Variants in GLIS3 observed in about 807,000 individuals in gnomAD.
The protein encoded by GLIS3 is zinc finger protein GLIS3.
A neutral mutation model predicts 78.6 loss-of-function variants in GLIS3; 53 were observed. The ratio of observed to expected loss-of-function variants is 0.67; its 90% CI spans 0.54 to 0.85. GLIS3 has a LOEUF of 0.85. Ranked by LOEUF, GLIS3 falls within the 40% of genes least tolerant of loss-of-function variation. GLIS3 has a pLI of 0.00. For missense variants in GLIS3, 1,703 were observed against 1,231.1 expected (o/e 1.38, Z -5.74); for synonymous variants, 684 against 509.9 (o/e 1.34, Z -4.60).
rs143056249 is a variant in GLIS3 at position 4,118,388 on chromosome 9, G to A, written c.1090C>T (p.Pro364Ser). Reference sequence around the variant, plus strand: ...ACGCCCTTCTGGCTGCCGGGCACCGGGCGCGGCTGGGGAATGCAGCTGCCG... The same window carrying A: ...ACGCCCTTCTGGCTGCCGGGCACCGAGCGCGGCTGGGGAATGCAGCTGCCG... ...VRGSCIPQPR[P>S]VPGSQKGVLV... The change falls in exon 4 of 11, where the codon CCG becomes TCG. Residue 364 changes from proline (P) to serine (S), a missense_variant. By Grantham distance (74) the Pro-to-Ser change is moderately conservative. Transcript: ENST00000381971. This position sits in a 1 kb window ranked among gnomAD's most constrained non-coding sequence, Gnocchi z 4.7. The A allele has an allele frequency of 2.0e-3, 3,144 of 1,601,170 alleles. 7 individuals are homozygous for A. Among genetic ancestry groups the A allele is most frequent in the Middle Eastern group, 2.5e-3 (15 of 6,040 alleles).
At position 3,999,922 on chromosome 9, in the gene GLIS3, A is replaced by T. The variant is rs956494481; in HGVS notation, c.1711-62733T>A. Among the ~76,000 whole-genome samples the T allele has an allele frequency of 3.9e-5, 6 of 152,208 alleles. No individual in the cohort carries two copies. In the East Asian group the frequency reaches 1.2e-3, roughly 29 times the overall value. On this transcript the variant is annotated intron_variant, in intron 4 of 10. Coordinates refer to ENST00000381971, the MANE Select transcript of GLIS3 (RefSeq NM_001042413.2). ...ATAGAAAAATAGAGAAATGGAAAAG[A>T]ATAGGGGTCCCATAAACAGAACCAT... is the stretch of plus-strand genomic sequence containing the variant.
chr9:4,098,499 G>A (rs573735867), intron 4 of GLIS3, among the ~76,000 whole-genome samples: 3 of 152,186 alleles, frequency 2.0e-5, no homozygotes, highest in African/African-American at 7.2e-5. Flanking sequence ...GCAACCCATA[G>A]GTTTGGCAGC....
intron 7 of GLIS3, among the ~76,000 whole-genome samples, chr9:3,889,309 T>C (rs1822273713): frequency 6.6e-6 from 1 of 152,192 alleles, no homozygotes. Flanking sequence ...CAGTAATAGT[T>C]CCATTTGAGG....
At chr9:4,089,956 A>T (rs764326) in intron 4 of GLIS3, among the ~76,000 whole-genome samples, 2 of 152,072 alleles carry the variant, frequency 1.3e-5, no homozygotes, top group Non-Finnish European at 2.9e-5. Context: ...GGTGCCTCCC[A>T]CTGTGTGCCA....
Position 4,290,718 on chromosome 9 carries a change from A to C in GLIS3, c.-98-4195T>G, listed in dbSNP as rs573088683. ...ACTCCTCAGAAAAGACTGTATAAACAAAAACCAATCACGTAAGTCATTTTA... is the reference window on the plus strand; with the variant it reads ...ACTCCTCAGAAAAGACTGTATAAACCAAAACCAATCACGTAAGTCATTTTA... On this transcript the variant is annotated intron_variant, in intron 1 of 10. Transcript: ENST00000381971. Among the ~76,000 whole-genome samples the C allele has an allele frequency of 1.2e-4, 18 of 152,268 alleles. No homozygotes were observed. In the East Asian group the frequency reaches 1.9e-3, roughly 16 times the overall value.
intron 2 of GLIS3, among the ~76,000 whole-genome samples, chr9:4,230,281 C>T (rs1320926596): frequency 1.3e-5 from 2 of 152,124 alleles, no homozygotes; most frequent in Non-Finnish European, 2.9e-5. Flanking sequence ...GAAAGTGGGG[C>T]GAAGGTCAAT....
In GLIS3 at chr9:3,997,019, A is replaced by T. The variant is rs190135635; in HGVS notation, c.1711-59830T>A. Among the ~76,000 whole-genome samples the T allele has an allele frequency of 2.5e-3, 384 of 152,342 alleles. 1 individual carries two copies. Among genetic ancestry groups the T allele is most frequent in the African/African-American group, 9.1e-3 (379 of 41,582 alleles). On this transcript the variant is annotated intron_variant, in intron 4 of 10. Coordinates refer to ENST00000381971, the MANE Select transcript of GLIS3 (RefSeq NM_001042413.2). ...AATCACTAAAACTATTGAATCCGAA[A>T]TTTAAAATCTTCCTACATGGCCTAG...
Position 4,307,171 on chromosome 9 carries a change from T to C in GLIS3, n.584+1606A>G, listed in dbSNP as rs570457682. On this transcript the variant is annotated intron_variant and non_coding_transcript_variant, in intron 4 of 4. Transcript: ENST00000471664. ...TTAATTCTCACAGTGTAGAGGCTAA[T>C]GAGTGGTGGAGGTGAGAGGAGGACG... Among the ~76,000 whole-genome samples, 6 of 152,270 alleles carry C rather than the reference T, an allele frequency of 3.9e-5. No individual in the cohort carries two copies. The South Asian group carries it at 1.2e-3, about 32-fold the overall frequency.
At chr9:4,029,396 A>C (rs1823620212) in intron 4 of GLIS3, among the ~76,000 whole-genome samples, 1 of 152,168 alleles carries the variant, frequency 6.6e-6, no homozygotes, top group Non-Finnish European at 1.5e-5. Context: ...TGTAATATAA[A>C]ATAAGCACAT....
At chr9:4,040,294 AC>A (rs200278492) in intron 4 of GLIS3, among the ~76,000 whole-genome samples, 19,248 of 147,406 alleles carry the variant, frequency 0.13, 1,733 homozygotes, top group East Asian at 0.38. Flanking sequence ...GGTAAAAAAA[AC>A]AAAAAACAAA....
At chr9:4,308,630 C>G (rs1462543341) in intron 4 of GLIS3, 1 of 152,870 alleles carries the variant, frequency 6.5e-6, no homozygotes, top group Non-Finnish European at 1.5e-5. Context: ...GGAAACTTGC[C>G]AGGCCCCACC....
intron 6 of GLIS3, among the ~76,000 whole-genome samples, chr9:3,929,319 C>T (rs938030490): frequency 3.3e-5 from 5 of 152,154 alleles, no homozygotes; most frequent in African/African-American, 1.2e-4. Flanking sequence ...CCAAATTATC[C>T]CCATTCCTTT....
the GLIS3 span, among the ~76,000 whole-genome samples, chr9:4,354,730 A>G: frequency 3.5e-3 from 528 of 152,214 alleles, 3 homozygotes; most frequent in African/African-American, 0.012. Context: ...GAGCTCCTTG[A>G]TCAGATGACA....
intron 4 of GLIS3, among the ~76,000 whole-genome samples, chr9:4,030,695 C>A (rs1034870834): frequency 6.6e-6 from 1 of 152,140 alleles, no homozygotes; most frequent in Non-Finnish European, 1.5e-5. Context: ...TGTTTCCCAG[C>A]GTGTTCTTGG....
chr9:4,206,372 TA>T (rs1178832893), intron 2 of GLIS3, among the ~76,000 whole-genome samples: 1 of 152,230 alleles, frequency 6.6e-6, no homozygotes, highest in Non-Finnish European at 1.5e-5. Flanking sequence ...CAAATTGCAG[TA>T]TATGAAGACT....
intron 2 of GLIS3, among the ~76,000 whole-genome samples, chr9:4,137,621 C>T (rs1833495462): frequency 6.6e-6 from 1 of 152,200 alleles, no homozygotes; most frequent in African/African-American, 2.4e-5. Context: ...CTCTGAGCCA[C>T]TTCATAAGGA....
intron 4 of GLIS3, among the ~76,000 whole-genome samples, chr9:4,111,695 T>C (rs568256368): frequency 2.1e-4 from 32 of 152,372 alleles, no homozygotes; most frequent in African/African-American, 7.7e-4. Context: ...CAGATACATA[T>C]GTTTGTATCT....
At chr9:4,414,676 C>G in the GLIS3 span, among the ~76,000 whole-genome samples, 1 of 152,024 alleles carries the variant, frequency 6.6e-6, no homozygotes, top group Admixed American at 6.5e-5. Flanking sequence ...GCTCAACCAC[C>G]TCCTCCTAGC....
At chr9:4,251,371 T>C (rs1017406819) in intron 2 of GLIS3, among the ~76,000 whole-genome samples, 6 of 152,192 alleles carry the variant, frequency 3.9e-5, no homozygotes, top group Admixed American at 6.5e-5. Context: ...TGCCCCTCTT[T>C]ATCTTTTTTG....
Sources: gnomAD v4.1 joint callset for allele counts (sites outside exome capture counted in the v4.1 genomes callset) on GRCh38, gnomAD v4.1.1 for gene constraint, Gnocchi (gnomAD v3.1) non-coding constraint, MANE v1.5 for transcripts, NCBI Gene and HGNC (gene_info 2026-07-23, HGNC 2026-07-21) for gene names.